The following PDK1 variants were observed in gnomAD, a reference collection of about 807,000 sequenced individuals.
PDK1 encodes the protein pyruvate dehydrogenase kinase 1.
PDK1 carries 39 observed loss-of-function variants against 54.2 expected under a neutral mutation model. The observed-to-expected ratio is 0.72, with a 90% CI of 0.56 to 0.94. PDK1 has a LOEUF of 0.94. PDK1 is among the 40% of genes least tolerant of loss of function. PDK1 has a pLI of 0.00. For synonymous variants in PDK1, 221 were observed against 207.1 expected (o/e 1.07, Z -0.58); for missense variants, 552 against 566.0 (o/e 0.98, Z 0.25).
intron 8 of PDK1, among the ~76,000 whole-genome samples, chr2:172,581,817 T>C (rs1367631584): frequency 6.6e-6 from 1 of 152,230 alleles, no homozygotes; most frequent in Non-Finnish European, 1.5e-5. Context: ...CAAAAGTTGT[T>C]GTTTCTGTCT....
the PDK1 span, among the ~76,000 whole-genome samples, chr2:172,715,656 G>A: frequency 1.5e-4 from 23 of 152,226 alleles, 1 homozygote; most frequent in African/African-American, 5.1e-4. Context: ...TGGGACACAG[G>A]CAAAGAACAC....
chr2:172,629,053 TGAG>T, the PDK1 span, among the ~76,000 whole-genome samples: 1 of 152,024 alleles, frequency 6.6e-6, no homozygotes, highest in Non-Finnish European at 1.5e-5. Flanking sequence ...GCTGGAGCCT[TGAG>T]GAGGTTGAGG....
At position 172,606,896 on chromosome 2, in the gene PDK1, A is replaced by G. The variant is rs1691316642; in HGVS notation, c.*10927A>G. 6.6e-6 allele frequency: 1 copy of G among 152,104 alleles called. No individual in the cohort carries two copies. Among genetic ancestry groups the G allele is most frequent in the Non-Finnish European group, 1.5e-5 (1 of 68,002 alleles). 9.4% of individuals were successfully genotyped at this position (152,104 alleles called of 1,614,324 possible). On this transcript the variant is annotated 3_prime_UTR_variant, in exon 11 of 11. Transcript: ENST00000282077. The stretch of plus-strand genomic sequence containing the variant: ...TTATCACCCTAAAAGGAAACCTTGC[A>G]CCCATTAAACAGTGGTAGTTTCTCT...
At chr2:172,707,082 ACT>A in the PDK1 span, among the ~76,000 whole-genome samples, 24 of 151,494 alleles carry the variant, frequency 1.6e-4, no homozygotes, top group Admixed American at 7.2e-4. Flanking sequence ...AGAAGTTCTG[ACT>A]CTCTGGTAGG....
At chr2:172,712,188 A>T in the PDK1 span, among the ~76,000 whole-genome samples, 7 of 152,342 alleles carry the variant, frequency 4.6e-5, no homozygotes, top group East Asian at 1.3e-3. Flanking sequence ...ATAAATTGTA[A>T]CAAATATAAA....
At chr2:172,653,269 T>A in the PDK1 span, among the ~76,000 whole-genome samples, 3 of 152,272 alleles carry the variant, frequency 2.0e-5, no homozygotes, top group Non-Finnish European at 2.9e-5. Context: ...GCTAGCCATA[T>A]GTAGAAAGCT....
chr2:172,675,151 T>TTC, the PDK1 span, among the ~76,000 whole-genome samples: 1 of 152,138 alleles, frequency 6.6e-6, no homozygotes, highest in South Asian at 2.1e-4. Flanking sequence ...GCTTCTTGTC[T>TTC]TCTCTCTCTC....
intron 8 of PDK1, among the ~76,000 whole-genome samples, chr2:172,579,772 T>A (rs1232210223): frequency 6.6e-6 from 1 of 151,830 alleles, no homozygotes; most frequent in Non-Finnish European, 1.5e-5. Context: ...GTGGGCCTTT[T>A]CTTACTTACT....
the PDK1 span, among the ~76,000 whole-genome samples, chr2:172,718,969 GT>G: frequency 6.6e-6 from 1 of 151,782 alleles, no homozygotes. Flanking sequence ...CCCAAAATTG[GT>G]TTTTTTTAGT....
the PDK1 span, among the ~76,000 whole-genome samples, chr2:172,686,628 T>C: frequency 1.3e-5 from 2 of 152,248 alleles, no homozygotes; most frequent in African/African-American, 4.8e-5. Flanking sequence ...TTTTACGCTG[T>C]GGAAGCTTTG....
the PDK1 span, among the ~76,000 whole-genome samples, chr2:172,712,528 C>A: frequency 1.2e-4 from 18 of 152,292 alleles, no homozygotes; most frequent in African/African-American, 4.1e-4. Flanking sequence ...ATGCTAGCTG[C>A]GGTGGGGTGG....
chr2:172,558,987 C>T lies in PDK1; in HGVS notation c.338+138C>T, dbSNP rs1424301983. Reference sequence around the variant, plus strand: ...TGTTTGAGACGGAGTCTTGCTCTGTCGCCCAGGCTGGAGTGCAGTGGCGCG... The same window carrying T: ...TGTTTGAGACGGAGTCTTGCTCTGTTGCCCAGGCTGGAGTGCAGTGGCGCG... On this transcript the variant is annotated intron_variant, in intron 2 of 10. Transcript: ENST00000282077. 9.0e-6 allele frequency: 8 copies of T among 886,588 alleles called. No individual in the cohort carries two copies. In the East Asian group the frequency reaches 9.1e-5, roughly 10 times the overall value. 54.9% of individuals were successfully genotyped at this position (886,588 alleles called of 1,614,324 possible). A position where few individuals can be genotyped will look rare whatever the true frequency, so the allele number is the denominator to read the frequency against.
the PDK1 span, among the ~76,000 whole-genome samples, chr2:172,633,107 A>G: frequency 2.0e-5 from 3 of 151,810 alleles, no homozygotes; most frequent in African/African-American, 7.3e-5. Context: ...CAGTGGAGCA[A>G]TCATAACTCA....
At chr2:172,673,284 A>T in the PDK1 span, among the ~76,000 whole-genome samples, 2 of 151,962 alleles carry the variant, frequency 1.3e-5, no homozygotes, top group South Asian at 4.2e-4. Context: ...TGTTTATTGG[A>T]GTTGTACGCA....
chr2:172,700,558 G>A, the PDK1 span, among the ~76,000 whole-genome samples: 1 of 151,130 alleles, frequency 6.6e-6, no homozygotes, highest in Non-Finnish European at 1.5e-5. Context: ...CATCCCAGAC[G>A]ATGGGCGGCC....
At chr2:172,584,839 T>G (rs1471568390) in intron 8 of PDK1, among the ~76,000 whole-genome samples, 2 of 149,246 alleles carry the variant, frequency 1.3e-5, no homozygotes, top group Non-Finnish European at 3.0e-5. Flanking sequence ...AGTTTTTTTT[T>G]TTTTTTTTTT....
the PDK1 span, among the ~76,000 whole-genome samples, chr2:172,621,766 G>GATATATGTTTATA: frequency 5.8e-5 from 8 of 137,388 alleles, no homozygotes; most frequent in African/African-American, 2.3e-4. Flanking sequence ...TCTCATATAT[G>GATATATGTTTATA]TCATATATGT....
Position 172,562,246 on chromosome 2 carries a change from T to G in PDK1, c.365T>G (p.Leu122Arg), listed in dbSNP as rs1351516785. 1.3e-6 allele frequency: 2 copies of G among 1,599,770 alleles called. No individual in the cohort carries two copies. Among genetic ancestry groups the G allele is most frequent in the Middle Eastern group, 1.7e-4 (1 of 5,974 alleles). ...TATATCCAGAGTCTTCAGGAGCTTC[T>G]TGATTTTAAGGACAAAAGTGCTGAG... Reference protein sequence around the residue: ...SWYIQSLQELLDFKDKSAEDA... With the variant: ...SWYIQSLQELRDFKDKSAEDA... The change falls in exon 3 of 11, where the codon CTT becomes CGT. Residue 122 changes from leucine to arginine, a missense_variant. Coordinates refer to ENST00000282077, the MANE Select transcript of PDK1 (RefSeq NM_002610.5).
Position 172,556,342 on chromosome 2 carries a change from C to A in PDK1, c.192C>A (p.Asp64Glu). Reference protein sequence around the residue: ...PSPLSMKQFLDFGSVNACEKT... With the variant: ...PSPLSMKQFLEFGSVNACEKT... Reference sequence around the variant, plus strand: ...CGCTCTCCATGAAGCAGTTCCTGGACTTCGGTGAGTGCGGCCCGGGACCTT... The same window carrying A: ...CGCTCTCCATGAAGCAGTTCCTGGAATTCGGTGAGTGCGGCCCGGGACCTT... Residue 64 changes from aspartate to glutamate, a missense_variant, in exon 1 of 11, where the codon GAC becomes GAA. By Grantham distance (45) the Asp-to-Glu change is conservative. Coordinates refer to ENST00000282077, the MANE Select transcript of PDK1 (RefSeq NM_002610.5). 6.9e-7 allele frequency: 1 copy of A among 1,451,514 alleles called. No individual in the cohort carries two copies. 89.9% of individuals were successfully genotyped at this position (1,451,514 alleles called of 1,614,324 possible). A position where few individuals can be genotyped will look rare whatever the true frequency, so the allele number is the denominator to read the frequency against.
Sources: gnomAD v4.1 joint callset for allele counts (sites outside exome capture counted in the v4.1 genomes callset) on GRCh38, gnomAD v4.1.1 for gene constraint, MANE v1.5 for transcripts, NCBI Gene and HGNC (gene_info 2026-07-23, HGNC 2026-07-21) for gene names.